The following PCDH9 variants were observed in gnomAD, a reference collection of about 807,000 sequenced individuals.
The protein encoded by PCDH9 is protocadherin 9.
Under a neutral mutation model 70.6 loss-of-function variants are expected in PCDH9, and 24 were observed. The observed-to-expected ratio is 0.34, with a 90% CI of 0.25 to 0.48. PCDH9 has a LOEUF of 0.48. Ranked by LOEUF, PCDH9 falls within the 20% of genes least tolerant of loss-of-function variation. PCDH9 has a pLI of 0.99. For synonymous variants in PCDH9, 562 were observed against 558.5 expected, an observed-to-expected ratio of 1.01 and a Z score of -0.09; for missense variants, 1,281 against 1,503.6, an observed-to-expected ratio of 0.85 and a Z score of 2.45.
At chr13:66,465,535 CAGTATACCGTCT>C (rs1297669489) in intron 4 of PCDH9, among the ~76,000 whole-genome samples, 2 of 151,752 alleles carry the variant, frequency 1.3e-5, no homozygotes, top group African/African-American at 4.8e-5. Flanking sequence ...TTAAGGTAGA[CAGTATACCGTCT>C]AGTTTTATTC....
chr13:66,510,726 A>G lies in PCDH9; in HGVS notation c.3340+120484T>C, dbSNP rs565331668. Among the ~76,000 whole-genome samples, 5 of 152,310 alleles carry G rather than the reference A, an allele frequency of 3.3e-5. No individual in the cohort carries two copies. In the South Asian group the frequency reaches 1.0e-3, roughly 32 times the overall value. On this transcript the variant is annotated intron_variant, in intron 4 of 4. Coordinates refer to ENST00000377865, the MANE Select transcript of PCDH9 (RefSeq NM_203487.3). ...ATGGCTGCATAGTATTCCATGGTGTATATTTGCCACATTTTCTTAATCCAG... is the reference window on the plus strand; with the variant it reads ...ATGGCTGCATAGTATTCCATGGTGTGTATTTGCCACATTTTCTTAATCCAG...
intron 2 of PCDH9, among the ~76,000 whole-genome samples, chr13:67,127,388 G>A (rs140445978): frequency 1.2e-3 from 190 of 152,248 alleles, no homozygotes; most frequent in Non-Finnish European, 2.0e-3. Flanking sequence ...GGATCTGCTC[G>A]TGGAGTGGTT....
intron 4 of PCDH9, among the ~76,000 whole-genome samples, chr13:66,418,486 CT>C (rs1379284764): frequency 6.6e-6 from 1 of 152,060 alleles, no homozygotes; most frequent in African/African-American, 2.4e-5. Context: ...GCTATATGGG[CT>C]CTTTTTGGTC....
At chr13:67,184,561 T>C (rs1357421439) in intron 2 of PCDH9, among the ~76,000 whole-genome samples, 1 of 152,070 alleles carries the variant, frequency 6.6e-6, no homozygotes, top group Non-Finnish European at 1.5e-5. Flanking sequence ...AAACCCCGTC[T>C]CTATAAAAAA....
intron 3 of PCDH9, among the ~76,000 whole-genome samples, chr13:66,834,871 C>G (rs2080989313): frequency 1.3e-5 from 2 of 152,186 alleles, no homozygotes; most frequent in Admixed American, 6.5e-5. Flanking sequence ...CTCTTCCTAA[C>G]CTGGATGCTA....
intron 3 of PCDH9, among the ~76,000 whole-genome samples, chr13:66,718,677 C>T (rs552454091): frequency 3.3e-5 from 5 of 152,056 alleles, no homozygotes; most frequent in Non-Finnish European, 7.4e-5. Flanking sequence ...AAGCAATTTT[C>T]GAGGGAACAA....
At chr13:67,075,724 A>G (rs115386120) in intron 2 of PCDH9, among the ~76,000 whole-genome samples, 2,137 of 152,170 alleles carry the variant, frequency 0.014, 50 homozygotes, top group South Asian at 0.068. Flanking sequence ...TGTTTTTCTT[A>G]TTAACAAGGG....
At position 66,323,269 on chromosome 13, in the gene PCDH9, G is replaced by A. The variant is rs368827734; in HGVS notation, c.3341-18241C>T. 59 of 152,022 alleles carry A rather than the reference G, an allele frequency of 3.9e-4. 1 individual carries two copies. The highest frequency in any genetic ancestry group is 1.1e-3 in the African/African-American group (47 of 41,394). The allele number at this position is 152,022 out of a possible 1,614,324, so 9.4% of individuals were successfully genotyped here. A position where few individuals can be genotyped will look rare whatever the true frequency, so the allele number is the denominator to read the frequency against. On this transcript the variant is annotated intron_variant, in intron 4 of 4. Transcript: ENST00000377865. ...ATCCTCCCAAATATTTTTCAAGAAC[G>A]TTTGGCATTACTTCAAAAATTAACT...
intron 3 of PCDH9, among the ~76,000 whole-genome samples, chr13:66,662,716 AG>A (rs1421445776): frequency 6.6e-6 from 1 of 152,190 alleles, no homozygotes; most frequent in African/African-American, 2.4e-5. Context: ...TTGGTGGTGT[AG>A]GGTTCTGGTC....
chr13:66,760,626 C>T (rs569633814), intron 3 of PCDH9, among the ~76,000 whole-genome samples: 2,390 of 152,240 alleles, frequency 0.016, 75 homozygotes, highest in African/African-American at 0.053. Flanking sequence ...GAAATCTAGG[C>T]ATCCTAAAAG....
chr13:66,818,303 G>C (rs978481329), intron 3 of PCDH9, among the ~76,000 whole-genome samples: 2 of 152,030 alleles, frequency 1.3e-5, no homozygotes, highest in African/African-American at 4.8e-5. Flanking sequence ...TTTTATATTT[G>C]TATTGCTGTT....
intron 2 of PCDH9, among the ~76,000 whole-genome samples, chr13:67,034,460 G>A (rs1429246881): frequency 6.6e-6 from 1 of 152,032 alleles, no homozygotes; most frequent in African/African-American, 2.4e-5. Context: ...TCTTAGAGTC[G>A]AAATATATAG....
intron 2 of PCDH9, among the ~76,000 whole-genome samples, chr13:67,148,214 C>A (rs1208654500): frequency 6.9e-6 from 1 of 144,458 alleles, no homozygotes; most frequent in African/African-American, 2.5e-5. Context: ...TTTTTTTTTT[C>A]ATCCTGCAAA....
chr13:66,486,838 A>T (rs551343490), intron 4 of PCDH9, among the ~76,000 whole-genome samples: 1 of 152,186 alleles, frequency 6.6e-6, no homozygotes, highest in Non-Finnish European at 1.5e-5. Flanking sequence ...TGAGACAGGT[A>T]CTGACAATAT....
At chr13:66,475,158 T>C (rs1215163927) in intron 4 of PCDH9, among the ~76,000 whole-genome samples, 1 of 152,082 alleles carries the variant, frequency 6.6e-6, no homozygotes, top group Non-Finnish European at 1.5e-5. Context: ...TGCTATATGC[T>C]CACAGCACAG....
intron 3 of PCDH9, among the ~76,000 whole-genome samples, chr13:66,794,185 C>T (rs972299131): frequency 3.3e-5 from 5 of 151,286 alleles, no homozygotes; most frequent in African/African-American, 1.2e-4. Flanking sequence ...AAAACGTAGA[C>T]TGTAATGTTA....
intron 4 of PCDH9, among the ~76,000 whole-genome samples, chr13:66,611,741 G>A (rs1031777812): frequency 6.6e-6 from 1 of 152,140 alleles, no homozygotes; most frequent in African/African-American, 2.4e-5. Flanking sequence ...TTGTGAGGAC[G>A]GAATTGAAGC....
At chr13:66,500,277 T>A (rs1215304674) in intron 4 of PCDH9, among the ~76,000 whole-genome samples, 1 of 152,204 alleles carries the variant, frequency 6.6e-6, no homozygotes, top group Non-Finnish European at 1.5e-5. Flanking sequence ...CACTTCTGGG[T>A]ACATATTTAA....
At chr13:66,799,356 C>T (rs1235230771) in intron 3 of PCDH9, among the ~76,000 whole-genome samples, 2 of 152,130 alleles carry the variant, frequency 1.3e-5, no homozygotes, top group African/African-American at 4.8e-5. Context: ...ATGCCAATGA[C>T]AGATGGTGGG....
Sources: allele counts gnomAD v4.1 joint callset (sites outside exome capture counted in the v4.1 genomes callset), GRCh38; gene constraint gnomAD v4.1.1; transcripts MANE v1.5; gene names NCBI Gene and HGNC (gene_info 2026-07-23, HGNC 2026-07-21).